SLC27A1: variants seen among roughly 807,000 people sequenced by gnomAD.
SLC27A1 encodes long-chain fatty acid transport protein 1.
In SLC27A1, 61 loss-of-function variants were observed where a neutral mutation model predicts 62.2. The ratio of observed to expected loss-of-function variants is 0.98; its 90% CI spans 0.80 to 1.21. The LOEUF is 1.21. Among genes scored for constraint, SLC27A1 ranks in the 50% most tolerant of loss-of-function variants. The probability of loss-of-function intolerance (pLI) is 0.00; values close to 1 mark genes in which losing one functional copy is unlikely to be tolerated. For missense variants in SLC27A1, 903 were observed against 932.1 expected, an observed-to-expected ratio of 0.97 and a Z score of 0.41; for synonymous variants, 435 against 408.6, an observed-to-expected ratio of 1.06 and a Z score of -0.78.
At chr19:17,502,483 C>T (rs1051688007) in intron 11 of SLC27A1, among the ~76,000 whole-genome samples, 1 of 150,534 alleles carries the variant, frequency 6.6e-6, no homozygotes, top group Non-Finnish European at 1.5e-5. Context: ...TCCTGAATAG[C>T]TGGGATTACA....
chr19:17,481,105 A>T (rs1232091452), intron 1 of SLC27A1, among the ~76,000 whole-genome samples: 1 of 150,998 alleles, frequency 6.6e-6, no homozygotes, highest in Non-Finnish European at 1.5e-5. Context: ...TTGTAATTTT[A>T]GTTGAGACAG....
Position 17,501,957 on chromosome 19 carries a change from C to CA in SLC27A1, c.1783+547dup, listed in dbSNP as rs77238469. 1.9e-4 allele frequency among the ~76,000 whole-genome samples: 28 copies of CA among 149,082 alleles called. No homozygotes were observed. In the South Asian group the frequency reaches 2.1e-3, roughly 11 times the overall value. On this transcript the variant is annotated intron_variant, in intron 11 of 11. Coordinates refer to ENST00000252595, the MANE Select transcript of SLC27A1 (RefSeq NM_198580.3). ...TGAAACTGTGTCTCTACTAAAAATACAAAAAAAAATTAGCCAGGCATGGTG... is the reference window on the plus strand; with the variant it reads ...TGAAACTGTGTCTCTACTAAAAATACAAAAAAAAAATTAGCCAGGCATGGTG...
intron 11 of SLC27A1, among the ~76,000 whole-genome samples, chr19:17,501,866 CT>C (rs1279226647): frequency 6.7e-6 from 1 of 148,328 alleles, no homozygotes; most frequent in Non-Finnish European, 1.5e-5. Context: ...AATCTCCGCA[CT>C]TTGGGAGGCT....
chr19:17,497,338 G>C lies in SLC27A1; in HGVS notation c.1080G>C (p.Leu360=). The change falls in exon 7 of 12, where the codon CTG becomes CTC. Residue 360 remains leucine (L), a synonymous_variant. Transcript: ENST00000252595. ...REAERRHRVR[L]AVGNGLRPAI... is the part of the protein sequence containing the mutation. ...CGGAGAGGCGACACCGCGTGCGCCT[G>C]GCGGTGGGGAACGGGCTGCGTCCTG... is the stretch of plus-strand genomic sequence containing the variant. 1 of 1,603,426 alleles carries C rather than the reference G, an allele frequency of 6.2e-7. No homozygotes were observed. The highest frequency in any genetic ancestry group is 8.5e-7 in the Non-Finnish European group (1 of 1,176,894).
At chr19:17,476,893 T>TG (rs918701167) in intron 1 of SLC27A1, among the ~76,000 whole-genome samples, 10 of 148,904 alleles carry the variant, frequency 6.7e-5, no homozygotes, top group South Asian at 2.1e-4. Context: ...GTTTTTTTTT[T>TG]TTTTTTTTTT....
At chr19:17,490,164 T>C (rs551181034) in intron 6 of SLC27A1, 1 of 152,270 alleles carries the variant, frequency 6.6e-6, no homozygotes, top group South Asian at 2.1e-4. Flanking sequence ...ATTATTATTA[T>C]TTTTTGAGAC....
chr19:17,491,052 T>C (rs1442609750), intron 6 of SLC27A1: 2 of 96,084 alleles, frequency 2.1e-5, no homozygotes, highest in South Asian at 6.3e-4. Context: ...AAAAAAAAAT[T>C]TGGCCGGGCA....
In SLC27A1 at chr19:17,500,303, G is replaced by T; in HGVS notation, c.1232G>T (p.Arg411Leu). 6.2e-7 allele frequency: 1 copy of T among 1,614,152 alleles called. No individual in the cohort carries two copies. Among genetic ancestry groups the T allele is most frequent in the South Asian group, 1.1e-5 (1 of 91,080 alleles). The change falls in exon 8 of 12, where the codon CGC becomes CTC. Residue 411 changes from arginine (R) to leucine (L), a missense_variant. Coordinates refer to ENST00000252595, the MANE Select transcript of SLC27A1 (RefSeq NM_198580.3). ...GKVGSCGFNSRILPHVYPIRL... is the reference protein window; with the variant it reads ...GKVGSCGFNSLILPHVYPIRL... Reference sequence around the variant, plus strand: ...GTCGGCTCCTGTGGTTTCAACAGCCGCATCCTGCCCCACGTGTACCCCATC... The same window carrying T: ...GTCGGCTCCTGTGGTTTCAACAGCCTCATCCTGCCCCACGTGTACCCCATC...
intron 1 of SLC27A1, among the ~76,000 whole-genome samples, chr19:17,474,627 CTTTTTT>C (rs780611616): frequency 1.5e-5 from 2 of 131,420 alleles, no homozygotes; most frequent in East Asian, 4.5e-4. Flanking sequence ...TGACCCCTTT[CTTTTTT>C]TTTTTTTTTT....
At chr19:17,483,623 C>G (rs2075201235) in intron 1 of SLC27A1, among the ~76,000 whole-genome samples, 1 of 152,030 alleles carries the variant, frequency 6.6e-6, no homozygotes, top group South Asian at 2.1e-4. Context: ...CGGATGCTCT[C>G]CCCCAACAGA....
At chr19:17,476,091 G>T (rs1413947832) in intron 1 of SLC27A1, among the ~76,000 whole-genome samples, 1 of 152,144 alleles carries the variant, frequency 6.6e-6, no homozygotes, top group Non-Finnish European at 1.5e-5. Flanking sequence ...CTCTGGACGG[G>T]CACCCTACTG....
In SLC27A1 at chr19:17,486,695, C is replaced by T. The variant is rs1460810613; in HGVS notation, c.300C>T (p.Thr100=). The T allele has an allele frequency of 1.9e-6, 3 of 1,611,592 alleles. No homozygotes were observed. In the East Asian group the frequency reaches 6.7e-5, roughly 36 times the overall value. ...GCCTGGCGCTGGTGGATGCCGGGAC[C>T]GGCGAGTGCTGGACCTTTGCGCAGC... ...PERLALVDAG[T]GECWTFAQLD... The change falls in exon 2 of 12, where the codon ACC becomes ACT. Residue 100 remains threonine, a synonymous_variant. Transcript: ENST00000252595. The surrounding 1 kb of genome is among the most constrained non-coding windows in gnomAD (Gnocchi z 6.6).
chr19:17,477,160 A>G (rs913443985), intron 1 of SLC27A1, among the ~76,000 whole-genome samples: 25 of 148,154 alleles, frequency 1.7e-4, no homozygotes, highest in Admixed American at 7.4e-4. Flanking sequence ...AAGTGCTGGG[A>G]TTACAAGTGT....
chr19:17,475,193 G>T (rs2075111431), intron 1 of SLC27A1, among the ~76,000 whole-genome samples: 1 of 152,058 alleles, frequency 6.6e-6, no homozygotes, highest in African/African-American at 2.4e-5. Context: ...GGTATTACAG[G>T]CTGAACCACT....
rs1469690160 is a variant in SLC27A1, at chr19:17,504,905, T to G, written c.*293T>G. 2 of 553,352 alleles carry G rather than the reference T, an allele frequency of 3.6e-6. No homozygotes were observed. Among genetic ancestry groups the G allele is most frequent in the South Asian group, 3.1e-5 (2 of 65,170 alleles). 34.3% of individuals were successfully genotyped at this position (553,352 alleles called of 1,614,324 possible). ...TTTCTTTTCTTTCTTTCTTTCTTTT[T>G]TTTTTAAGATAGAGTCTCACTCTGC... On this transcript the variant is annotated 3_prime_UTR_variant, in exon 12 of 12. Transcript: ENST00000252595.
rs2075462246 is a variant in SLC27A1, at chr19:17,504,947, C to G, written c.*335C>G. The G allele has an allele frequency of 2.2e-6, 1 of 453,740 alleles. No individual in the cohort carries two copies. The highest frequency in any genetic ancestry group is 2.0e-5 in the African/African-American group (1 of 49,722). The allele number at this position is 453,740 out of a possible 1,614,324, so 28.1% of individuals were successfully genotyped here. On this transcript the variant is annotated 3_prime_UTR_variant, in exon 12 of 12. Transcript: ENST00000252595. ...TCACTCTGCTGCCCGGGCTAGAGTG[C>G]AGTGGTGGGATCTCGGCTCACTGCA...
rs1182860585 is a variant in SLC27A1, at chr19:17,486,766, G to T, written c.371G>T (p.Gly124Val). Residue 124 changes from glycine to valine, a missense_variant, in exon 2 of 12, where the codon GGC becomes GTC. Gly to Val is a moderately radical substitution (Grantham distance 109). Coordinates refer to ENST00000252595, the MANE Select transcript of SLC27A1 (RefSeq NM_198580.3). The surrounding 1 kb of genome is among the most constrained non-coding windows in gnomAD (Gnocchi z 6.6). ...NAVANLFRQL[G>V]FAPGDVVAIF... ...GTAGCCAACCTCTTCCGCCAGCTGGGCTTCGCGCCGGGCGACGTGGTGGCC... is the reference window on the plus strand; with the variant it reads ...GTAGCCAACCTCTTCCGCCAGCTGGTCTTCGCGCCGGGCGACGTGGTGGCC... 5 of 1,607,014 alleles carry T rather than the reference G, an allele frequency of 3.1e-6. No individual in the cohort carries two copies. The East Asian group carries it at 1.1e-4, about 36-fold the overall frequency.
At chr19:17,489,280 G>A (rs935533810) in intron 6 of SLC27A1, among the ~76,000 whole-genome samples, 163 bp downstream of exon 6, 2 of 151,738 alleles carry the variant, frequency 1.3e-5, no homozygotes, top group African/African-American at 4.8e-5. Context: ...CCCGCCCCCC[G>A]ACCAGGCTCT....
At chr19:17,501,585 C>T (rs1249194817) in intron 11 of SLC27A1, among the ~76,000 whole-genome samples, 166 bp downstream of exon 11, 1 of 151,752 alleles carries the variant, frequency 6.6e-6, no homozygotes, top group African/African-American at 2.4e-5. Context: ...GGGCGGATCA[C>T]GAGGTGAGGA....
Sources: allele counts gnomAD v4.1 joint callset (sites outside exome capture counted in the v4.1 genomes callset), GRCh38; gene constraint gnomAD v4.1.1; non-coding constraint Gnocchi (gnomAD v3.1); transcripts MANE v1.5; gene names NCBI Gene and HGNC (gene_info 2026-07-23, HGNC 2026-07-21).